NRP2: variants seen among roughly 807,000 people sequenced by gnomAD.
NRP2 encodes the protein neuropilin-2.
NRP2 carries 52 observed loss-of-function variants against 110.4 expected under a neutral mutation model. The observed-to-expected ratio is 0.47, with a 90% confidence interval of 0.38 to 0.59. The LOEUF (loss-of-function observed/expected upper bound fraction) is 0.59, where lower values mean the gene tolerates loss of function less well. Among genes scored for constraint, NRP2 ranks in the 20% least tolerant of loss-of-function variants. The pLI, the probability that NRP2 is intolerant of heterozygous loss-of-function variation, is 0.00. For missense variants in NRP2, 1,049 were observed against 1,203.0 expected (o/e 0.87, Z 1.89); for synonymous variants, 508 against 468.9 (o/e 1.08, Z -1.08).
intron 15 of NRP2, among the ~76,000 whole-genome samples, chr2:205,775,926 G>A (rs944309450): frequency 7.2e-5 from 11 of 152,292 alleles, no homozygotes; most frequent in African/African-American, 2.6e-4. Context: ...GAAGAGATGT[G>A]TAATTCTACC....
chr2:205,780,146 C>T (rs1460897455), intron 15 of NRP2, among the ~76,000 whole-genome samples: 1 of 152,204 alleles, frequency 6.6e-6, no homozygotes, highest in Non-Finnish European at 1.5e-5. Flanking sequence ...CATCTTACCC[C>T]TCACCTACCC....
At position 205,765,564 on chromosome 2, in the gene NRP2, T is replaced by C; in HGVS notation, c.2398T>C (p.Cys800Arg). 1 of 1,611,226 alleles carries C rather than the reference T, an allele frequency of 6.2e-7. No homozygotes were observed. The highest frequency in any genetic ancestry group is 8.5e-7 in the Non-Finnish European group (1 of 1,177,314). The change falls in exon 14 of 17, where the codon TGC (cysteine) becomes CGC (arginine). Residue 800 changes from cysteine (C) to arginine (R), a missense_variant. Coordinates refer to ENST00000357785, the MANE Select transcript of NRP2 (RefSeq NM_003872.3). ...RISTDVPLEN[C>R]MEPISAFAVD... ...AAGCACTGATGTCCCACTGGAGAAC[T>C]GCATGGGTATGTGAATATCTGTCTC...
At chr2:205,779,040 G>T (rs2105953555) in intron 15 of NRP2, 1 of 152,290 alleles carries the variant, frequency 6.6e-6, no homozygotes, top group Admixed American at 6.5e-5. Flanking sequence ...GGAGGGAAGG[G>T]TCATTCTCTT....
intron 12 of NRP2, among the ~76,000 whole-genome samples, chr2:205,755,667 G>A (rs2057722173): frequency 6.6e-6 from 1 of 152,080 alleles, no homozygotes; most frequent in Non-Finnish European, 1.5e-5. Context: ...GAAGCAGCTG[G>A]CTTGGTTGGG....
intron 16 of NRP2, among the ~76,000 whole-genome samples, chr2:205,794,475 A>G (rs2058333996): frequency 6.6e-6 from 1 of 152,218 alleles, no homozygotes; most frequent in Non-Finnish European, 1.5e-5. Flanking sequence ...CTTTACAAAT[A>G]TTAGTTCATG....
In NRP2 at chr2:205,683,361, C is replaced by G; in HGVS notation, c.71C>G (p.Pro24Arg). 6.2e-7 allele frequency: 1 copy of G among 1,611,568 alleles called. No homozygotes were observed. Among genetic ancestry groups the G allele is most frequent in the East Asian group, 2.2e-5 (1 of 44,878 alleles). The part of the protein sequence containing the change: ...YFSRHQVRGQ[P>R]DPPCGGRLNS... ...TCAAGACACCAAGTGAGAGGCCAAC[C>G]AGGTAAGCCACTGAAAGTTTTTCTA... Residue 24 changes from proline (P) to arginine (R), a missense_variant and splice_region_variant, in exon 1 of 17, where the codon CCA becomes CGA. Transcript: ENST00000357785.
At chr2:205,766,937 C>A in intron 15 of NRP2, 134 bp downstream of exon 15, 1 of 775,126 alleles carries the variant, frequency 1.3e-6, no homozygotes, top group East Asian at 2.6e-5. Flanking sequence ...GCCACACCTT[C>A]CTGCCGCTAG....
At chr2:205,761,177 C>T (rs146039143) in intron 12 of NRP2, among the ~76,000 whole-genome samples, 3 of 152,322 alleles carry the variant, frequency 2.0e-5, no homozygotes, top group East Asian at 1.9e-4. Flanking sequence ...GCTGATTCTC[C>T]TGTCCTCATT....
Position 205,682,973 on chromosome 2 carries a change from A to C in NRP2, c.-318A>C, listed in dbSNP as rs1055341190. Reference sequence around the variant, plus strand: ...GCTTGGCTTTCGGGAAATACTCGTGATATTTGTAGGATAAAGGAAATGACA... The same window carrying C: ...GCTTGGCTTTCGGGAAATACTCGTGCTATTTGTAGGATAAAGGAAATGACA... On this transcript the variant is annotated 5_prime_UTR_variant, in exon 1 of 17. Transcript: ENST00000357785. This position sits in a 1 kb window ranked among gnomAD's most constrained non-coding sequence, Gnocchi z 4.3. The C allele has an allele frequency of 1.9e-5, 6 of 310,286 alleles. No individual in the cohort carries two copies. Among genetic ancestry groups the C allele is most frequent in the African/African-American group, 1.3e-4 (6 of 46,690 alleles). 19.2% of individuals were successfully genotyped at this position (310,286 alleles called of 1,614,324 possible). A position where few individuals can be genotyped will look rare whatever the true frequency, so the allele number is the denominator to read the frequency against.
At chr2:205,699,101 G>A (rs940996205) in intron 2 of NRP2, among the ~76,000 whole-genome samples, 2 of 152,198 alleles carry the variant, frequency 1.3e-5, no homozygotes, top group Non-Finnish European at 2.9e-5. Context: ...CTCATGTGAC[G>A]AAGAGTCATA....
At chr2:205,738,353 C>T (rs961112281) in intron 7 of NRP2, among the ~76,000 whole-genome samples, 1 of 152,212 alleles carries the variant, frequency 6.6e-6, no homozygotes, top group Non-Finnish European at 1.5e-5. Context: ...CCGAAATAAG[C>T]AAAGTGCTGC....
intron 11 of NRP2, 124 bp downstream of exon 11, chr2:205,749,965 AAG>A: frequency 1.3e-6 from 1 of 796,906 alleles, no homozygotes; most frequent in South Asian, 1.4e-5. Context: ...AAGAAGTGGT[AAG>A]AGAGGTGGGG....
intron 2 of NRP2, among the ~76,000 whole-genome samples, chr2:205,706,301 C>G (rs1038205698): frequency 4.6e-5 from 7 of 151,778 alleles, no homozygotes; most frequent in Non-Finnish European, 1.0e-4. Flanking sequence ...CAGGACGAAG[C>G]CAGACACACC....
chr2:205,725,882 C>A lies in NRP2; in HGVS notation c.821-31C>A, dbSNP rs774434384. On this transcript the variant is annotated intron_variant, in intron 5 of 16. Coordinates refer to ENST00000357785, the MANE Select transcript of NRP2 (RefSeq NM_003872.3). This position sits in a 1 kb window ranked among gnomAD's most constrained non-coding sequence, Gnocchi z 4.1. ...ATCCCGAGGTATGAGGTTGGAAGGCCTAACTGCATTTGACCGTCTGCTTTC... is the reference window on the plus strand; with the variant it reads ...ATCCCGAGGTATGAGGTTGGAAGGCATAACTGCATTTGACCGTCTGCTTTC... 6.2e-7 allele frequency: 1 copy of A among 1,613,112 alleles called. No homozygotes were observed. The highest frequency in any genetic ancestry group is 1.3e-5 in the African/African-American group (1 of 75,022).
chr2:205,752,267 C>T (rs2057660107), intron 11 of NRP2, among the ~76,000 whole-genome samples: 1 of 152,222 alleles, frequency 6.6e-6, no homozygotes, highest in African/African-American at 2.4e-5. Flanking sequence ...AGATGCTGGA[C>T]TGTCCCAGTC....
chr2:205,789,058 T>C (rs2058268482), intron 15 of NRP2, among the ~76,000 whole-genome samples: 1 of 152,160 alleles, frequency 6.6e-6, no homozygotes, highest in South Asian at 2.1e-4. Flanking sequence ...AGCCCTACTC[T>C]ATCAAAGTAG....
intron 7 of NRP2, among the ~76,000 whole-genome samples, chr2:205,738,332 A>G (rs1383348474): frequency 6.6e-6 from 1 of 152,060 alleles, no homozygotes; most frequent in African/African-American, 2.4e-5. Flanking sequence ...GCTGCTGCTC[A>G]CAACACCCAT....
rs1230867147 is a variant in NRP2, at chr2:205,795,039, A to G, written c.2762A>G (p.Lys921Arg). ...CACAAGGTCAAGATGAACCACCAAA[A>G]GTGCTGCTCCGAGGCATGACGGATT... is the stretch of plus-strand genomic sequence containing the variant. ...LKHKVKMNHQ[K>R]CCSEA Residue 921 changes from lysine to arginine, a missense_variant, in exon 17 of 17, where the codon AAG (lysine) becomes AGG (arginine). Lys to Arg is a conservative substitution (Grantham distance 26). Coordinates refer to ENST00000357785, the MANE Select transcript of NRP2 (RefSeq NM_003872.3). 1 of 1,613,970 alleles carries G rather than the reference A, an allele frequency of 6.2e-7. No homozygotes were observed.
intron 7 of NRP2, among the ~76,000 whole-genome samples, chr2:205,731,352 T>A (rs1559333419): frequency 6.6e-6 from 1 of 152,230 alleles, no homozygotes; most frequent in Admixed American, 6.5e-5. Flanking sequence ...AGTAGAAGGT[T>A]CATGTATGTT....
Sources: allele counts gnomAD v4.1 joint callset (sites outside exome capture counted in the v4.1 genomes callset), GRCh38; gene constraint gnomAD v4.1.1; non-coding constraint Gnocchi (gnomAD v3.1); transcripts MANE v1.5; gene names NCBI Gene and HGNC (gene_info 2026-07-23, HGNC 2026-07-21).